CLSTN3: variants seen among roughly 807,000 people sequenced by gnomAD.
CLSTN3 encodes the protein calsyntenin 3.
In CLSTN3, 36 loss-of-function variants were observed where a neutral mutation model predicts 95.9. The observed-to-expected ratio is 0.38, with a 90% CI of 0.29 to 0.50. The LOEUF is 0.50. Ranked by LOEUF, CLSTN3 falls within the 20% of genes least tolerant of loss-of-function variation. The pLI is 0.95. For synonymous variants in CLSTN3, 481 were observed against 504.0 expected, an observed-to-expected ratio of 0.95 and a Z score of 0.61; for missense variants, 1,084 against 1,268.8, an observed-to-expected ratio of 0.85 and a Z score of 2.21.
At position 7,133,964 on chromosome 12, in the gene CLSTN3, G is replaced by T; in HGVS notation, c.383+196G>T. On this transcript the variant is annotated intron_variant, in intron 3 of 17. Transcript: ENST00000266546. This position sits in a 1 kb window ranked among gnomAD's most constrained non-coding sequence, Gnocchi z 4.7. Reference sequence around the variant, plus strand: ...CAAGGTGACAGAAACGTATAGTAGAGTTCAGTGGATCTAATCTTGGCTTTG... The same window carrying T: ...CAAGGTGACAGAAACGTATAGTAGATTTCAGTGGATCTAATCTTGGCTTTG... 6.0e-6 allele frequency: 3 copies of T among 496,214 alleles called. No individual in the cohort carries two copies. Among genetic ancestry groups the T allele is most frequent in the South Asian group, 7.5e-5 (2 of 26,570 alleles). The allele number at this position is 496,214 out of a possible 1,614,324, so 30.7% of individuals were successfully genotyped here. A position where few individuals can be genotyped will look rare whatever the true frequency, so the allele number is the denominator to read the frequency against.
chr12:7,136,288 A>G lies in CLSTN3; in HGVS notation c.825A>G (p.Glu275=). ...GTATCCGCCTGGAGACCTGTGATGAACCACTCTGGAACATTCAGGCCACCA... is the reference window on the plus strand; with the variant it reads ...GTATCCGCCTGGAGACCTGTGATGAGCCACTCTGGAACATTCAGGCCACCA... ...FPGIRLETCD[E]PLWNIQATIE... The change falls in exon 6 of 18, where the codon GAA becomes GAG. Residue 275 remains glutamate, a synonymous_variant. Coordinates refer to ENST00000266546, the MANE Select transcript of CLSTN3 (RefSeq NM_014718.4). 3.1e-6 allele frequency: 5 copies of G among 1,614,140 alleles called. No individual in the cohort carries two copies. Among genetic ancestry groups the G allele is most frequent in the Non-Finnish European group, 4.2e-6 (5 of 1,180,024 alleles).
Position 7,158,129 on chromosome 12 carries a change from CAG to C in CLSTN3, c.*50_*51del. The C allele has an allele frequency of 6.9e-7, 1 of 1,455,288 alleles. No homozygotes were observed. Among genetic ancestry groups the C allele is most frequent in the Non-Finnish European group, 9.1e-7 (1 of 1,096,184 alleles). 90.1% of individuals were successfully genotyped at this position (1,455,288 alleles called of 1,614,324 possible). ...GAGGGGGAATTCTGCCCTGGTGAAA[CAG>C]ACACTCCAGACATGGGAGAAGGACT... On this transcript the variant is annotated 3_prime_UTR_variant, in exon 18 of 18. Coordinates refer to ENST00000266546, the MANE Select transcript of CLSTN3 (RefSeq NM_014718.4).
chr12:7,153,845 C>T (rs1370113308), intron 16 of CLSTN3, among the ~76,000 whole-genome samples: 1 of 152,166 alleles, frequency 6.6e-6, no homozygotes, highest in Non-Finnish European at 1.5e-5. Flanking sequence ...AGGAGCCCAG[C>T]ACCTTCTCCC....
In CLSTN3 at chr12:7,137,084, C is replaced by A; in HGVS notation, c.1184C>A (p.Thr395Asn). The change falls in exon 7 of 18, where the codon ACC (threonine) becomes AAC (asparagine). Residue 395 changes from threonine to asparagine, a missense_variant. Thr to Asn is a moderately conservative substitution (Grantham distance 65). Coordinates refer to ENST00000266546, the MANE Select transcript of CLSTN3 (RefSeq NM_014718.4). This position sits in a 1 kb window ranked among gnomAD's most constrained non-coding sequence, Gnocchi z 4.4. ...AACAAGGGCAAGAAGGAAGAGGAAA[C>A]CATCGTATGTAACACTGTCCAGAAT... The part of the protein sequence containing the change: ...TPNKGKKEEE[T>N]IVCNTVQNED... 6.2e-7 allele frequency: 1 copy of A among 1,613,524 alleles called. No individual in the cohort carries two copies. Among genetic ancestry groups the A allele is most frequent in the Non-Finnish European group, 8.5e-7 (1 of 1,179,880 alleles).
chr12:7,136,041 G>A (rs1280659420), intron 5 of CLSTN3, 88 bp downstream of exon 5: 1 of 1,528,502 alleles, frequency 6.5e-7, no homozygotes, highest in Non-Finnish European at 8.8e-7. Flanking sequence ...TGGGGGCCAG[G>A]CTAGGGCTTG....
At position 7,150,541 on chromosome 12, in the gene CLSTN3, CA is replaced by C; in HGVS notation, c.2246-2del. ...CTGCCCTGAGGTGCTTCCTCATCTCCAGGGGTGGAGAGCATCACTGTGTATG... is the reference window on the plus strand; with the variant it reads ...CTGCCCTGAGGTGCTTCCTCATCTCCGGGGTGGAGAGCATCACTGTGTATG... On this transcript the variant is annotated splice_acceptor_variant, in intron 14 of 17. Transcript: ENST00000266546. LOFTEE classifies it high-confidence loss of function. This position sits in a 1 kb window ranked among gnomAD's most constrained non-coding sequence, Gnocchi z 4.0. 1 of 1,606,508 alleles carries C rather than the reference CA, an allele frequency of 6.2e-7. No individual in the cohort carries two copies. The highest frequency in any genetic ancestry group is 8.5e-7 in the Non-Finnish European group (1 of 1,174,038).
intron 10 of CLSTN3, among the ~76,000 whole-genome samples, 198 bp from the exon 11 acceptor site, chr12:7,142,671 T>A (rs1196981489): frequency 1.3e-5 from 2 of 148,710 alleles, no homozygotes; most frequent in South Asian, 2.2e-4. Flanking sequence ...TTCTCTAGCC[T>A]CCCCCCTTAC....
At position 7,157,570 on chromosome 12, in the gene CLSTN3, TC is replaced by T. The variant is rs1207166117; in HGVS notation, c.2611del (p.His871IlefsTer36). 1 of 1,613,436 alleles carries T rather than the reference TC, an allele frequency of 6.2e-7. No homozygotes were observed. The highest frequency in any genetic ancestry group is 2.2e-5 in the East Asian group (1 of 44,850). ...ATGGTCGTCCTGGGCCTGGTGCGCATCCATTCCCTTCACCGCCGCGTCTCAG... is the reference window on the plus strand; with the variant it reads ...ATGGTCGTCCTGGGCCTGGTGCGCATCATTCCCTTCACCGCCGCGTCTCAG... ...VLMVVLGLVRIHSLHRRVSGA... is the reference protein window; with the variant it reads ...VLMVVLGLVRXHSLHRRVSGA... On this transcript the variant is annotated frameshift_variant, in exon 17 of 18. Coordinates refer to ENST00000266546, the MANE Select transcript of CLSTN3 (RefSeq NM_014718.4). LOFTEE classifies it high-confidence loss of function. This position sits in a 1 kb window ranked among gnomAD's most constrained non-coding sequence, Gnocchi z 5.9.
rs1457533031 is a variant in CLSTN3 at position 7,157,670 on chromosome 12, C to T, written c.2709C>T (p.Thr903=). The T allele has an allele frequency of 1.9e-6, 3 of 1,595,968 alleles. No homozygotes were observed. Among genetic ancestry groups the T allele is most frequent in the Non-Finnish European group, 2.6e-6 (3 of 1,170,636 alleles). ...TCTTCTGGGATGACTCAGCTCTCAC[C>T]ATCATTGTGAACCCCATGGAGGTGA... is the stretch of plus-strand genomic sequence containing the variant. ...PDLFWDDSAL[T]IIVNPMESYQ... is the part of the protein sequence containing the mutation. Residue 903 remains threonine (T), a synonymous_variant, in exon 17 of 18, where the codon ACC becomes ACT. Coordinates refer to ENST00000266546, the MANE Select transcript of CLSTN3 (RefSeq NM_014718.4). The surrounding 1 kb of genome is among the most constrained non-coding windows in gnomAD (Gnocchi z 5.9).
chr12:7,143,062 A>T, intron 11 of CLSTN3, 36 bp downstream of exon 11: 2 of 1,601,620 alleles, frequency 1.2e-6, no homozygotes, highest in Non-Finnish European at 1.7e-6. Flanking sequence ...TCTTCCCAGC[A>T]TGCCCCTTGC....
rs1939852725 is a variant in CLSTN3, at chr12:7,158,040, G to A, written c.2830G>A (p.Asp944Asn). The change falls in exon 18 of 18, where the codon GAC becomes AAC. Residue 944 changes from aspartate to asparagine, a missense_variant. Transcript: ENST00000266546. ...DSEVADSPSSDERRIIETPPH... is the reference protein window; with the variant it reads ...DSEVADSPSSNERRIIETPPH... ...GGAGGTGGCCGATTCCCCCAGCAGC[G>A]ACGAGAGACGCATCATCGAGACCCC... 10 of 1,548,778 alleles carry A rather than the reference G, an allele frequency of 6.5e-6. No individual in the cohort carries two copies. The highest frequency in any genetic ancestry group is 7.9e-6 in the Non-Finnish European group (9 of 1,145,206).
At position 7,141,363 on chromosome 12, in the gene CLSTN3, C is replaced by T. The variant is rs1329668356; in HGVS notation, c.1445C>T (p.Pro482Leu). Reference protein sequence around the residue: ...LIHDNGLIHPPRREPALMIGA... With the variant: ...LIHDNGLIHPLRREPALMIGA... Reference sequence around the variant, plus strand: ...CATGACAATGGCCTCATCCACCCACCCCGAAGGGAGCCTGCTCTCATGATT... The same window carrying T: ...CATGACAATGGCCTCATCCACCCACTCCGAAGGGAGCCTGCTCTCATGATT... The change falls in exon 9 of 18, where the codon CCC (proline) becomes CTC (leucine). Residue 482 changes from proline to leucine, a missense_variant. Transcript: ENST00000266546. This position sits in a 1 kb window ranked among gnomAD's most constrained non-coding sequence, Gnocchi z 4.1. 1 of 1,614,092 alleles carries T rather than the reference C, an allele frequency of 6.2e-7. No homozygotes were observed. Among genetic ancestry groups the T allele is most frequent in the Non-Finnish European group, 8.5e-7 (1 of 1,180,046 alleles).
intron 1 of CLSTN3, 163 bp downstream of exon 1, chr12:7,130,875 C>T (rs1939286393): frequency 1.5e-6 from 1 of 667,574 alleles, no homozygotes; most frequent in African/African-American, 1.8e-5. Flanking sequence ...TCCGTCTCCT[C>T]TCTTTCTCTT....
At position 7,137,200 on chromosome 12, in the gene CLSTN3, C is replaced by T. The variant is rs1021772328; in HGVS notation, c.1210+90C>T. 7.6e-6 allele frequency: 10 copies of T among 1,322,336 alleles called. No individual in the cohort carries two copies. Among genetic ancestry groups the T allele is most frequent in the Non-Finnish European group, 1.0e-5 (10 of 971,230 alleles). The allele number at this position is 1,322,336 out of a possible 1,614,324, so 81.9% of individuals were successfully genotyped here. On this transcript the variant is annotated intron_variant, in intron 7 of 17. Transcript: ENST00000266546. The surrounding 1 kb of genome is among the most constrained non-coding windows in gnomAD (Gnocchi z 4.4). ...GCCCAGTGTGTGACTGTGAACAGGT[C>T]ACTTCCCCTCTCTTCATTTGTGAGG... is the stretch of plus-strand genomic sequence containing the variant.
Position 7,137,212 on chromosome 12 carries a change from C to T in CLSTN3, c.1210+102C>T. On this transcript the variant is annotated intron_variant, in intron 7 of 17. Transcript: ENST00000266546. This position sits in a 1 kb window ranked among gnomAD's most constrained non-coding sequence, Gnocchi z 4.4. ...ACTGTGAACAGGTCACTTCCCCTCT[C>T]TTCATTTGTGAGGTGCAAGTGCCAG... is the stretch of plus-strand genomic sequence containing the variant. 1 of 1,245,404 alleles carries T rather than the reference C, an allele frequency of 8.0e-7. No homozygotes were observed. The highest frequency in any genetic ancestry group is 2.1e-4 in the Middle Eastern group (1 of 4,844). The allele number at this position is 1,245,404 out of a possible 1,614,324, so 77.1% of individuals were successfully genotyped here.
upstream of CLSTN3, chr12:7,129,827 G>A: frequency 1.0e-6 from 1 of 985,756 alleles, no homozygotes; most frequent in Admixed American, 6.1e-5. This position sits in a 1 kb window ranked among gnomAD's most constrained non-coding sequence, Gnocchi z 5.5. Context: ...GGTCCCGACA[G>A]GTGCGTGCGC....
Position 7,149,260 on chromosome 12 carries a change from G to A in CLSTN3, c.2074+62G>A, listed in dbSNP as rs1939680452. On this transcript the variant is annotated intron_variant, in intron 13 of 17. Transcript: ENST00000266546. The surrounding 1 kb of genome is among the most constrained non-coding windows in gnomAD (Gnocchi z 4.5). ...ACCAGCCAGTGTCTGGAGTCAGAGTGTGGGAGAACTCCTGGGGCTGGAAGC... is the reference window on the plus strand; with the variant it reads ...ACCAGCCAGTGTCTGGAGTCAGAGTATGGGAGAACTCCTGGGGCTGGAAGC... 9 of 1,412,368 alleles carry A rather than the reference G, an allele frequency of 6.4e-6. No individual in the cohort carries two copies. The highest frequency in any genetic ancestry group is 8.9e-6 in the Non-Finnish European group (9 of 1,008,762). The allele number at this position is 1,412,368 out of a possible 1,614,324, so 87.5% of individuals were successfully genotyped here.
chr12:7,131,925 A>G (rs1022683687), intron 1 of CLSTN3: 5 of 456,164 alleles, frequency 1.1e-5, no homozygotes, highest in Admixed American at 2.4e-5. Flanking sequence ...ACCGTGAGAT[A>G]CTGGGGATGA....
intron 16 of CLSTN3, chr12:7,156,218 G>A (rs1189657582): frequency 4.4e-6 from 2 of 454,406 alleles, no homozygotes; most frequent in African/African-American, 2.0e-5. Context: ...GTGGGGAGTA[G>A]TGACCCAGCT....
Sources: allele counts gnomAD v4.1 joint callset (sites outside exome capture counted in the v4.1 genomes callset), GRCh38; gene constraint gnomAD v4.1.1; non-coding constraint Gnocchi (gnomAD v3.1); transcripts MANE v1.5; gene names NCBI Gene and HGNC (gene_info 2026-07-23, HGNC 2026-07-21).